NID2: variants seen among roughly 807,000 people sequenced by gnomAD.
NID2 encodes nidogen-2.
In NID2, 83 loss-of-function variants were observed where a neutral mutation model predicts 145.4. The observed-to-expected ratio is 0.57, with a 90% CI of 0.48 to 0.69. The LOEUF (loss-of-function observed/expected upper bound fraction) is 0.69, where lower values mean the gene tolerates loss of function less well. NID2 is among the 30% of genes least tolerant of loss of function. NID2 has a pLI of 0.00. For synonymous variants in NID2, 739 were observed against 701.3 expected (o/e 1.05, Z -0.85); for missense variants, 1,807 against 1,765.7 (o/e 1.02, Z -0.42).
At chr14:52,042,688 AT>A in intron 6 of NID2, 93 bp downstream of exon 6, 1 of 1,253,930 alleles carries the variant, frequency 8.0e-7, no homozygotes. Flanking sequence ...AGTAGTGGAG[AT>A]GTTTGGTCCA....
At chr14:52,068,555 C>T (rs1893307665) in intron 1 of NID2, among the ~76,000 whole-genome samples, 2 of 152,190 alleles carry the variant, frequency 1.3e-5, no homozygotes, top group African/African-American at 2.4e-5. Context: ...TACGTGGCTG[C>T]GAACAATTCT....
chr14:52,068,625 C>T (rs566428093), intron 1 of NID2, 142 bp downstream of exon 1: 1 of 709,144 alleles, frequency 1.4e-6, no homozygotes, highest in African/African-American at 1.8e-5. Flanking sequence ...AGCGGCATCG[C>T]TCTCTGGCCG....
intron 12 of NID2, among the ~76,000 whole-genome samples, chr14:52,024,929 A>G (rs546470042): frequency 6.6e-6 from 1 of 152,220 alleles, no homozygotes; most frequent in South Asian, 2.1e-4. Context: ...TGATCAAAGC[A>G]TGCAGCATCT....
At chr14:52,029,900 A>T (rs1240726232) in intron 9 of NID2, among the ~76,000 whole-genome samples, 1 of 152,202 alleles carries the variant, frequency 6.6e-6, no homozygotes, top group Non-Finnish European at 1.5e-5. Context: ...CCCTATAGAC[A>T]ACTAGTACCT....
chr14:52,011,127 G>T, intron 17 of NID2, 80 bp from the exon 18 acceptor site: 3 of 1,431,460 alleles, frequency 2.1e-6, no homozygotes, highest in Admixed American at 1.8e-5. Flanking sequence ...GGTCGGGTGG[G>T]CAGGGGGGTC....
chr14:52,055,945 G>GTGTGTT (rs796212969), intron 3 of NID2, among the ~76,000 whole-genome samples: 1 of 152,030 alleles, frequency 6.6e-6, no homozygotes, highest in Non-Finnish European at 1.5e-5. Flanking sequence ...GTGTGTTTGT[G>GTGTGTT]TGTGTGTGTG....
chr14:52,030,568 G>GAAAAA (rs1555363723), intron 9 of NID2, among the ~76,000 whole-genome samples: 14 of 37,722 alleles, frequency 3.7e-4, no homozygotes, highest in African/African-American at 1.0e-3. Context: ...AAGAAAGAAA[G>GAAAAA]GAAGGAAGGG....
rs973150296 is a variant in NID2, at chr14:52,040,564, T to A, written c.2026+87A>T. 1.3e-5 allele frequency: 15 copies of A among 1,118,810 alleles called. No homozygotes were observed. In the African/African-American group the frequency reaches 1.4e-4, roughly 10 times the overall value. The allele number at this position is 1,118,810 out of a possible 1,614,324, so 69.3% of individuals were successfully genotyped here. On this transcript the variant is annotated intron_variant, in intron 8 of 21. Coordinates refer to ENST00000216286, the MANE Select transcript of NID2 (RefSeq NM_007361.4). ...TGTTCCATGCACTGTTCTAAGGACA[T>A]GCCATGTAAGTCATTTAAGCCTTGT...
intron 9 of NID2, among the ~76,000 whole-genome samples, chr14:52,035,969 A>G (rs1040555964): frequency 6.6e-6 from 1 of 151,380 alleles, no homozygotes; most frequent in Non-Finnish European, 1.5e-5. Flanking sequence ...TCAGCCTCCC[A>G]AAGTGCTGGG....
rs1393007392 is a variant in NID2, at chr14:52,041,700, T to C, written c.1825+405A>G. On this transcript the variant is annotated intron_variant, in intron 7 of 21. Transcript: ENST00000216286. ...GTGCACCGGCCTATACTATTATAGG[T>C]TGTGGAGCTGGGAGGAGAAGAGCAC... Among the ~76,000 whole-genome samples the C allele has an allele frequency of 6.6e-5, 10 of 152,168 alleles. No individual in the cohort carries two copies. In the South Asian group the frequency reaches 1.9e-3, roughly 28 times the overall value.
At chr14:52,026,506 G>A (rs1247543389) in intron 12 of NID2, among the ~76,000 whole-genome samples, 1 of 152,054 alleles carries the variant, frequency 6.6e-6, no homozygotes, top group Admixed American at 6.6e-5. Context: ...CATACCACAG[G>A]GTATGTTTGG....
chr14:52,056,094 T>C (rs943912302), intron 3 of NID2, among the ~76,000 whole-genome samples: 1 of 152,182 alleles, frequency 6.6e-6, no homozygotes, highest in African/African-American at 2.4e-5. Flanking sequence ...TGTTGGTGTT[T>C]ATTGGCAAGC....
Position 52,012,729 on chromosome 14 carries a change from TA to T in NID2, c.3421-1047del, listed in dbSNP as rs952845122. On this transcript the variant is annotated intron_variant, in intron 16 of 21. Transcript: ENST00000216286. ...AAGTCTTTTAAAAAAATAATAAAAA[TA>T]AAAAAAATGCTGAGTCTGATATTTT... Among the ~76,000 whole-genome samples the T allele has an allele frequency of 1.1e-4, 17 of 152,074 alleles. No homozygotes were observed. The East Asian group carries it at 2.3e-3, about 21-fold the overall frequency.
At chr14:52,032,379 G>C (rs1891899071) in intron 9 of NID2, among the ~76,000 whole-genome samples, 1 of 152,184 alleles carries the variant, frequency 6.6e-6, no homozygotes, top group South Asian at 2.1e-4. Context: ...CATAAGCCTA[G>C]CTCCCTGAAG....
chr14:52,046,634 TATAA>T (rs1892506821), intron 5 of NID2, among the ~76,000 whole-genome samples: 1 of 152,206 alleles, frequency 6.6e-6, no homozygotes, highest in Admixed American at 6.5e-5. Flanking sequence ...TGCAAAGGTT[TATAA>T]ATAGATTGGA....
chr14:52,067,960 G>C lies in NID2; in HGVS notation c.432C>G (p.Phe144Leu). Residue 144 changes from phenylalanine to leucine, a missense_variant, in exon 2 of 22, where the codon TTC becomes TTG. Coordinates refer to ENST00000216286, the MANE Select transcript of NID2 (RefSeq NM_007361.4). ...TGGGGGTAAAGCGCGCAGAGCGCGG[G>C]AAGCCAGCGCGCACATAGCGGGCGG... Reference protein sequence around the residue: ...GLAARYVRAGFPRSARFTPTH... With the variant: ...GLAARYVRAGLPRSARFTPTH... 6.2e-7 allele frequency: 1 copy of C among 1,611,534 alleles called. No homozygotes were observed.
intron 18 of NID2, chr14:52,010,260 C>A (rs964394146): frequency 2.0e-5 from 3 of 152,182 alleles, no homozygotes; most frequent in African/African-American, 7.2e-5. Flanking sequence ...AATTTCATTT[C>A]GTAGAAACTC....
chr14:52,068,108 A>C lies in NID2; in HGVS notation c.284T>G (p.Val95Gly). 4 of 1,613,456 alleles carry C rather than the reference A, an allele frequency of 2.5e-6. No homozygotes were observed. The highest frequency in any genetic ancestry group is 3.4e-6 in the Non-Finnish European group (4 of 1,179,918). ...GAAGTCGGTGGGGAAATCATAGTCC[A>C]CATACTGCGTTTCCCTGGGGAAGTC... ...TQDFPRETQYVDYDFPTDFPA... is the reference protein window; with the variant it reads ...TQDFPRETQYGDYDFPTDFPA... The change falls in exon 2 of 22, where the codon GTG (valine) becomes GGG (glycine). Residue 95 changes from valine to glycine, a missense_variant. Coordinates refer to ENST00000216286, the MANE Select transcript of NID2 (RefSeq NM_007361.4).
intron 5 of NID2, among the ~76,000 whole-genome samples, chr14:52,044,865 C>G (rs1001730148): frequency 2.0e-5 from 3 of 152,106 alleles, no homozygotes; most frequent in Non-Finnish European, 4.4e-5. Context: ...CTCAAGTGAT[C>G]TTCCCACCTA....
Sources: allele counts gnomAD v4.1 joint callset (sites outside exome capture counted in the v4.1 genomes callset), GRCh38; gene constraint gnomAD v4.1.1; transcripts MANE v1.5; gene names NCBI Gene and HGNC (gene_info 2026-07-23, HGNC 2026-07-21).